The following UIMC1 variants were observed in gnomAD, a reference collection of about 807,000 sequenced individuals.
The protein encoded by UIMC1 is BRCA1-A complex subunit RAP80.
A neutral mutation model predicts 84.9 loss-of-function variants in UIMC1; 42 were observed. The observed-to-expected ratio is 0.49, with a 90% confidence interval of 0.39 to 0.64. The LOEUF is 0.64. Ranked by LOEUF, UIMC1 falls within the 30% of genes least tolerant of loss-of-function variation. The probability of loss-of-function intolerance (pLI) is 0.00; values close to 1 mark genes in which losing one functional copy is unlikely to be tolerated. For missense variants in UIMC1, 825 were observed against 847.6 expected (o/e 0.97, Z 0.33); for synonymous variants, 281 against 293.0 (o/e 0.96, Z 0.42).
chr5:176,915,912 G>C (rs1214601578), intron 10 of UIMC1, among the ~76,000 whole-genome samples: 1 of 151,546 alleles, frequency 6.6e-6, no homozygotes, highest in Non-Finnish European at 1.5e-5. Context: ...AGAAGCTAAA[G>C]AATGGGAAGA....
In UIMC1 at chr5:176,959,602, G is replaced by A. The variant is rs866696084; in HGVS notation, c.1201-1448C>T. 7.3e-5 allele frequency among the ~76,000 whole-genome samples: 11 copies of A among 151,296 alleles called. No homozygotes were observed. In the South Asian group the frequency reaches 1.0e-3, roughly 14 times the overall value. ...GTAGTGGCAGGCGCCTGTAGTCCCAGCTACTTGGGAGGCTGAGGCAGGAGA... is the reference window on the plus strand; with the variant it reads ...GTAGTGGCAGGCGCCTGTAGTCCCAACTACTTGGGAGGCTGAGGCAGGAGA... On this transcript the variant is annotated intron_variant, in intron 6 of 14. Transcript: ENST00000511320.
chr5:176,933,751 G>A (rs1401388397), intron 10 of UIMC1, among the ~76,000 whole-genome samples: 1 of 151,918 alleles, frequency 6.6e-6, no homozygotes, highest in African/African-American at 2.4e-5. Context: ...GCTCAGGCTG[G>A]TCTTGAACTC....
intron 11 of UIMC1, among the ~76,000 whole-genome samples, chr5:176,911,045 C>T (rs528701182): frequency 5.0e-4 from 75 of 149,478 alleles, no homozygotes; most frequent in Non-Finnish European, 8.0e-4. Flanking sequence ...GCTGAGATTA[C>T]GCCATTGCAC....
In UIMC1 at chr5:176,942,825, C is replaced by T. The variant is rs146567624; in HGVS notation, c.1597+510G>A. On this transcript the variant is annotated intron_variant, in intron 10 of 14. Transcript: ENST00000511320. ...ATCTCAGCACTTTGGGAGGCCAAGG[C>T]AGAAGAATCACTTGAGGTCATGAGT... 9.4e-3 allele frequency among the ~76,000 whole-genome samples: 1,415 copies of T among 150,636 alleles called. 29 individuals are homozygous for T. Among genetic ancestry groups the T allele is most frequent in the African/African-American group, 0.033 (1,354 of 40,912 alleles).
chr5:176,940,886 A>AT (rs1371767711), intron 10 of UIMC1, among the ~76,000 whole-genome samples: 1 of 152,190 alleles, frequency 6.6e-6, no homozygotes, highest in Non-Finnish European at 1.5e-5. Flanking sequence ...GGTAATTATT[A>AT]TTATTTCACA....
chr5:176,970,956 T>A, intron 3 of UIMC1, 90 bp from the exon 4 acceptor site: 2 of 1,485,354 alleles, frequency 1.3e-6, no homozygotes, highest in East Asian at 4.8e-5. Flanking sequence ...ACTTTTCAAC[T>A]GAAGACACTA....
chr5:176,948,022 C>T (rs1040601567), intron 9 of UIMC1, among the ~76,000 whole-genome samples: 1 of 151,754 alleles, frequency 6.6e-6, no homozygotes, highest in African/African-American at 2.4e-5. Context: ...TTATGTGTAG[C>T]TTAGAAACCT....
intron 8 of UIMC1, among the ~76,000 whole-genome samples, chr5:176,953,181 C>G (rs1254986489): frequency 2.6e-5 from 4 of 152,106 alleles, no homozygotes; most frequent in Non-Finnish European, 5.9e-5. Context: ...ACTCTCCAGC[C>G]CCCAAAACTG....
chr5:177,017,397 A>AT (rs1311596204), intron 1 of UIMC1, among the ~76,000 whole-genome samples: 2 of 151,632 alleles, frequency 1.3e-5, no homozygotes, highest in Admixed American at 1.3e-4. Flanking sequence ...CCTCTTTTTT[A>AT]TTTTTTTGAG....
rs1043288330 is a variant in UIMC1, at chr5:176,932,914, C to G, written c.1597+10421G>C. 9.1e-5 allele frequency among the ~76,000 whole-genome samples: 10 copies of G among 110,134 alleles called. No homozygotes were observed. In the South Asian group the frequency reaches 3.0e-3, roughly 33 times the overall value. 72.3% of individuals were successfully genotyped at this position (110,134 alleles called of 152,430 possible). On this transcript the variant is annotated intron_variant, in intron 10 of 14. Transcript: ENST00000511320. ...TGGAACAGCATGGAGGCAATGACTT[C>G]TTTATCCTTTCTACTTGCTGCCCAC... is the stretch of plus-strand genomic sequence containing the variant.
intron 6 of UIMC1, among the ~76,000 whole-genome samples, chr5:176,968,294 C>A (rs1768625786): frequency 6.6e-6 from 1 of 151,856 alleles, no homozygotes; most frequent in Non-Finnish European, 1.5e-5. Context: ...ACTGCTTGAA[C>A]CCGGGAGGTG....
At chr5:176,907,609 G>A (rs930708447) in intron 12 of UIMC1, among the ~76,000 whole-genome samples, 1 of 152,136 alleles carries the variant, frequency 6.6e-6, no homozygotes, top group Non-Finnish European at 1.5e-5. Flanking sequence ...CTAGAATATG[G>A]AGCTGCTGCT....
chr5:176,978,664 C>T (rs1222239861), intron 2 of UIMC1, among the ~76,000 whole-genome samples: 1 of 151,990 alleles, frequency 6.6e-6, no homozygotes, highest in African/African-American at 2.4e-5. Flanking sequence ...TAACATAACA[C>T]ATCATGACCA....
chr5:176,974,628 T>C (rs374166941), intron 3 of UIMC1, among the ~76,000 whole-genome samples: 1 of 151,924 alleles, frequency 6.6e-6, no homozygotes, highest in African/African-American at 2.4e-5. Context: ...GGTGGATCGC[T>C]TGAGGTCAGG....
intron 1 of UIMC1, among the ~76,000 whole-genome samples, chr5:177,017,672 T>C (rs1479659052): frequency 4.4e-5 from 5 of 112,400 alleles, no homozygotes; most frequent in Non-Finnish European, 6.7e-5. Context: ...ACGCTGGCCC[T>C]TTTTTTTTTT....
intron 1 of UIMC1, among the ~76,000 whole-genome samples, chr5:177,002,418 G>C (rs1774656250): frequency 6.6e-6 from 1 of 152,220 alleles, no homozygotes; most frequent in Non-Finnish European, 1.5e-5. Flanking sequence ...TACCTTGGTG[G>C]TACTTACACG....
rs147703959 is a variant in UIMC1 at position 176,956,571 on chromosome 5, G to C, written c.1263-536C>G. Among the ~76,000 whole-genome samples the C allele has an allele frequency of 7.2e-5, 11 of 152,166 alleles. No individual in the cohort carries two copies. In the South Asian group the frequency reaches 1.0e-3, roughly 14 times the overall value. ...CAGCAAAAATCTGCCCACATAAATTGAATCTCTTTTCTAACAAAAACTTAA... is the reference window on the plus strand; with the variant it reads ...CAGCAAAAATCTGCCCACATAAATTCAATCTCTTTTCTAACAAAAACTTAA... On this transcript the variant is annotated intron_variant, in intron 7 of 14. Transcript: ENST00000511320.
At chr5:176,914,800 A>C (rs1039096267) in intron 10 of UIMC1, among the ~76,000 whole-genome samples, 1 of 152,224 alleles carries the variant, frequency 6.6e-6, no homozygotes, top group Non-Finnish European at 1.5e-5. Flanking sequence ...TCCAATGCAG[A>C]GATTTTATAA....
At chr5:177,015,417 C>A (rs1413190437) in intron 1 of UIMC1, among the ~76,000 whole-genome samples, 1 of 152,152 alleles carries the variant, frequency 6.6e-6, no homozygotes, top group Middle Eastern at 3.2e-3. Flanking sequence ...CAAGATATGA[C>A]GGCTATCTGT....
Sources: gnomAD v4.1 joint callset for allele counts (sites outside exome capture counted in the v4.1 genomes callset) on GRCh38, gnomAD v4.1.1 for gene constraint, MANE v1.5 for transcripts, NCBI Gene and HGNC (gene_info 2026-07-23, HGNC 2026-07-21) for gene names.